CPNE4: variants seen among roughly 807,000 people sequenced by gnomAD.
CPNE4 encodes the protein copine 4.
In CPNE4, 25 loss-of-function variants were observed where a neutral mutation model predicts 67.9. That is an observed-to-expected ratio of 0.37 (90% CI 0.27 to 0.51). The LOEUF is 0.51. Ranked by LOEUF, CPNE4 falls within the 20% of genes least tolerant of loss-of-function variation. The pLI is 0.93. For synonymous variants in CPNE4, 242 were observed against 244.9 expected, an observed-to-expected ratio of 0.99 and a Z score of 0.11; for missense variants, 464 against 690.8, an observed-to-expected ratio of 0.67 and a Z score of 3.68.
intron 1 of CPNE4, among the ~76,000 whole-genome samples, chr3:131,944,964 G>A (rs2071506944): frequency 6.6e-6 from 1 of 152,114 alleles, no homozygotes; most frequent in African/African-American, 2.4e-5. Context: ...GAGTGTTCAT[G>A]CAGTCCCTAG....
intron 7 of CPNE4, among the ~76,000 whole-genome samples, chr3:131,668,694 C>T (rs1347540288): frequency 6.6e-6 from 1 of 152,056 alleles, no homozygotes; most frequent in Non-Finnish European, 1.5e-5. Flanking sequence ...TTGGTTGAAT[C>T]ACCTCCGGGC....
At chr3:132,018,533 G>A (rs9815452) in intron 1 of CPNE4, among the ~76,000 whole-genome samples, 18,109 of 152,078 alleles carry the variant, frequency 0.12, 1,180 homozygotes, top group African/African-American at 0.15. Flanking sequence ...TTTGAAGTAG[G>A]GACTTTCTTC....
At position 131,676,029 on chromosome 3, in the gene CPNE4, C is replaced by CTATTATTATTATTATTAT. The variant is rs34007329; in HGVS notation, c.592-6283_592-6266dup. Among the ~76,000 whole-genome samples, 158 of 138,502 alleles carry CTATTATTATTATTATTAT rather than the reference C, an allele frequency of 1.1e-3. 1 individual carries two copies. Among genetic ancestry groups the CTATTATTATTATTATTAT allele is most frequent in the Non-Finnish European group, 1.4e-3 (89 of 64,618 alleles). 90.9% of individuals were successfully genotyped at this position (138,502 alleles called of 152,430 possible). A position where few individuals can be genotyped will look rare whatever the true frequency, so the allele number is the denominator to read the frequency against. ...AGGCTTGCAAATATTATGTTATAAC[C>CTATTATTATTATTATTAT]TATTATTATTATTATTATTATTATT... On this transcript the variant is annotated intron_variant, in intron 6 of 15. Coordinates refer to ENST00000429747, the MANE Select transcript of CPNE4 (RefSeq NM_130808.3).
chr3:131,921,878 G>A (rs1175200051), intron 1 of CPNE4, among the ~76,000 whole-genome samples: 1 of 152,168 alleles, frequency 6.6e-6, no homozygotes, highest in African/African-American at 2.4e-5. Context: ...GTCCAAACTA[G>A]AGAGAAGAGA....
In CPNE4 at chr3:131,706,014, A is replaced by G. The variant is rs749811967; in HGVS notation, c.361-6034T>C. Among the ~76,000 whole-genome samples the G allele has an allele frequency of 9.8e-5, 15 of 152,312 alleles. 1 individual carries two copies. Among genetic ancestry groups the G allele is most frequent in the Admixed American group, 6.5e-4 (10 of 15,300 alleles). On this transcript the variant is annotated intron_variant, in intron 3 of 15. Transcript: ENST00000429747. ...CCACACCAGGTGGCAGCCAGGAGAA[A>G]GAGAAAAGGACCCACATCCCCTAGC...
intron 1 of CPNE4, among the ~76,000 whole-genome samples, chr3:132,010,375 A>G (rs1480091629): frequency 6.6e-6 from 1 of 152,204 alleles, no homozygotes; most frequent in Non-Finnish European, 1.5e-5. Context: ...TTTAAGAGAA[A>G]TCTACCAAAC....
rs553574931 is a variant in CPNE4 at position 131,695,382 on chromosome 3, C to G, written c.507+1160G>C. On this transcript the variant is annotated intron_variant, in intron 5 of 15. Transcript: ENST00000429747. Reference sequence around the variant, plus strand: ...TTCATTTGACTAAAGGGAAACTGCTCAAACACTTCAAAGCCAACTGGTCCA... The same window carrying G: ...TTCATTTGACTAAAGGGAAACTGCTGAAACACTTCAAAGCCAACTGGTCCA... Among the ~76,000 whole-genome samples, 4 of 152,232 alleles carry G rather than the reference C, an allele frequency of 2.6e-5. No individual in the cohort carries two copies. The East Asian group carries it at 5.8e-4, about 22-fold the overall frequency.
At chr3:131,683,510 G>C (rs1231754701) in intron 6 of CPNE4, among the ~76,000 whole-genome samples, 1 of 152,202 alleles carries the variant, frequency 6.6e-6, no homozygotes, top group Non-Finnish European at 1.5e-5. Flanking sequence ...GCAAGACAAA[G>C]TTATATTTAT....
At chr3:132,001,547 A>AAAGAAGAG (rs1160882517) in intron 1 of CPNE4, among the ~76,000 whole-genome samples, 1 of 121,336 alleles carries the variant, frequency 8.2e-6, no homozygotes, top group Non-Finnish European at 1.7e-5. Context: ...AGAGACAAAG[A>AAAGAAGAG]AAAAAGAGAA....
chr3:131,826,995 G>T (rs942343976), intron 2 of CPNE4, among the ~76,000 whole-genome samples: 1 of 152,056 alleles, frequency 6.6e-6, no homozygotes, highest in African/African-American at 2.4e-5. Context: ...TTCTGTGATT[G>T]CATCACTGCA....
intron 4 of CPNE4, among the ~76,000 whole-genome samples, chr3:131,696,884 G>C (rs543803880): frequency 6.6e-6 from 1 of 152,270 alleles, no homozygotes; most frequent in South Asian, 2.1e-4. Flanking sequence ...AAAAATAGAA[G>C]AGCAGTTTGG....
intron 2 of CPNE4, among the ~76,000 whole-genome samples, chr3:131,775,479 C>T (rs558340750): frequency 3.9e-5 from 6 of 152,066 alleles, no homozygotes; most frequent in Non-Finnish European, 7.4e-5. Flanking sequence ...GTAGCTCCCA[C>T]AATTCCCAAT....
At chr3:131,741,170 C>T (rs1197692060) in intron 2 of CPNE4, among the ~76,000 whole-genome samples, 1 of 152,060 alleles carries the variant, frequency 6.6e-6, no homozygotes, top group African/African-American at 2.4e-5. Context: ...ATTTCTGGTT[C>T]ACTGTTTGTT....
chr3:131,584,028 A>G (rs548924978), intron 8 of CPNE4, among the ~76,000 whole-genome samples: 1 of 152,284 alleles, frequency 6.6e-6, no homozygotes, highest in African/African-American at 2.4e-5. Flanking sequence ...ACCCCAAACT[A>G]AGGATACTTA....
chr3:131,890,297 C>G (rs2088059758), intron 2 of CPNE4, among the ~76,000 whole-genome samples: 1 of 151,536 alleles, frequency 6.6e-6, no homozygotes, highest in Non-Finnish European at 1.5e-5. Context: ...GGCTTTTCTC[C>G]AAAGAAGACA....
intron 2 of CPNE4, among the ~76,000 whole-genome samples, chr3:131,883,395 T>C (rs1340815149): frequency 6.6e-6 from 1 of 152,192 alleles, no homozygotes; most frequent in Non-Finnish European, 1.5e-5. Context: ...ACAATTCAGC[T>C]CATTTTCAAC....
intron 1 of CPNE4, among the ~76,000 whole-genome samples, chr3:131,951,261 A>C (rs1014924181): frequency 6.6e-6 from 1 of 152,166 alleles, no homozygotes; most frequent in Non-Finnish European, 1.5e-5. Context: ...GTGTTATTAT[A>C]ATTTATGTGC....
intron 9 of CPNE4, among the ~76,000 whole-genome samples, chr3:131,578,435 T>C (rs1937606427): frequency 6.6e-6 from 1 of 152,112 alleles, no homozygotes. Context: ...GAGACACTAC[T>C]CTATTGAAAT....
intron 2 of CPNE4, among the ~76,000 whole-genome samples, chr3:131,761,583 T>C (rs1421708594): frequency 1.3e-5 from 2 of 152,036 alleles, no homozygotes; most frequent in Non-Finnish European, 2.9e-5. Context: ...TGGCAGAGGT[T>C]GGGGATGGCT....
Sources: gnomAD v4.1 joint callset for allele counts (sites outside exome capture counted in the v4.1 genomes callset) on GRCh38, gnomAD v4.1.1 for gene constraint, MANE v1.5 for transcripts, NCBI Gene and HGNC (gene_info 2026-07-23, HGNC 2026-07-21) for gene names.